The following PPP2R5C variants were observed in gnomAD, a reference collection of about 807,000 sequenced individuals.
PPP2R5C encodes serine/threonine-protein phosphatase 2A 56 kDa regulatory subunit gamma isoform.
Under a neutral mutation model 68.9 loss-of-function variants are expected in PPP2R5C, and 7 were observed. That is an observed-to-expected ratio of 0.10 (90% CI 0.06 to 0.19). The LOEUF is 0.19. PPP2R5C is among the 10% of genes least tolerant of loss of function. PPP2R5C has a pLI of 1.00. For synonymous variants in PPP2R5C, 210 were observed against 222.2 expected (o/e 0.95, Z 0.49); for missense variants, 348 against 641.3 (o/e 0.54, Z 4.94).
At chr14:101,793,557 C>T (rs1242488731) in intron 3 of PPP2R5C, among the ~76,000 whole-genome samples, 1 of 152,212 alleles carries the variant, frequency 6.6e-6, no homozygotes, top group Non-Finnish European at 1.5e-5. Flanking sequence ...CCAGCAGGAG[C>T]AAACCCCATA....
chr14:101,767,970 T>G (rs972278024), intron 2 of PPP2R5C, among the ~76,000 whole-genome samples: 4 of 152,174 alleles, frequency 2.6e-5, no homozygotes, highest in Non-Finnish European at 5.9e-5. Flanking sequence ...AGGTACCTCC[T>G]TTGTGACCTC....
chr14:101,927,368 A>C (rs531924786), exon 14 of PPP2R5C: 3 of 152,640 alleles, frequency 2.0e-5, no homozygotes, highest in Non-Finnish European at 4.4e-5. Context: ...GTATTACTTA[A>C]TATTTTGGCC....
Position 101,763,110 on chromosome 14 carries a change from CTCAATTTTAGTTG to C in PPP2R5C, c.93+142_93+154del, listed in dbSNP as rs1255032099. The C allele has an allele frequency of 2.4e-5, 16 of 663,672 alleles. No individual in the cohort carries two copies. In the African/African-American group the frequency reaches 2.6e-4, roughly 11 times the overall value. The allele number at this position is 663,672 out of a possible 1,614,324, so 41.1% of individuals were successfully genotyped here. On this transcript the variant is annotated intron_variant, in intron 2 of 14. Transcript: ENST00000328724. ...TTTTTTTGTGGTGTCTTTTATAACC[CTCAATTTTAGTTG>C]TTTAGGTATTTACTGTTTTGCTTTG...
intron 13 of PPP2R5C, 141 bp from the exon 16 acceptor site, chr14:101,925,000 G>T (rs1595572578): frequency 1.1e-6 from 1 of 932,208 alleles, no homozygotes; most frequent in Non-Finnish European, 1.7e-6. Flanking sequence ...GACCTACGCC[G>T]TTTCCCTGTG....
chr14:101,834,258 T>C (rs916552507), intron 1 of PPP2R5C, among the ~76,000 whole-genome samples: 10 of 152,232 alleles, frequency 6.6e-5, no homozygotes, highest in African/African-American at 2.4e-4. Context: ...GCAGAACTGG[T>C]GGGACCTTGA....
At chr14:101,850,082 C>G (rs760191731) in intron 1 of PPP2R5C, among the ~76,000 whole-genome samples, 2 of 152,154 alleles carry the variant, frequency 1.3e-5, no homozygotes, top group African/African-American at 2.4e-5. Context: ...ACTCGGGTAA[C>G]TGTTATCCAC....
At chr14:101,896,636 CAAAAAAAA>C (rs34603513) in intron 8 of PPP2R5C, among the ~76,000 whole-genome samples, 28 of 110,396 alleles carry the variant, frequency 2.5e-4, no homozygotes, top group African/African-American at 9.9e-4. Context: ...ACCCTGTCTC[CAAAAAAAA>C]AAAAAAAAAA....
chr14:101,837,964 T>C (rs74611938), intron 1 of PPP2R5C, among the ~76,000 whole-genome samples: 2,932 of 152,250 alleles, frequency 0.019, 73 homozygotes, highest in African/African-American at 0.067. Context: ...TTGGCCGTGT[T>C]CTCATGTGCA....
Position 101,809,966 on chromosome 14 carries a change from C to G in PPP2R5C, c.24C>G (p.Gly8=), listed in dbSNP as rs200109462. 628 of 1,613,928 alleles carry G rather than the reference C, an allele frequency of 3.9e-4. 6 individuals carry two copies. The highest frequency in any genetic ancestry group is 4.7e-5 in the Non-Finnish European group (56 of 1,179,928). Residue 8 remains glycine, a synonymous_variant, in exon 1 of 14, where the codon GGC becomes GGG. Transcript: ENST00000334743. ...AGATGTTGACATGTAATAAAGCGGG[C>G]AGCAGGATGGTGGTGGATGCGGCCA...
chr14:101,773,053 T>C (rs778862420), intron 2 of PPP2R5C, among the ~76,000 whole-genome samples: 18 of 152,176 alleles, frequency 1.2e-4, no homozygotes, highest in Non-Finnish European at 2.5e-4. Flanking sequence ...TTCTCTGACA[T>C]TGCGGCTTCC....
At chr14:101,902,618 G>A (rs1010216174) in intron 9 of PPP2R5C, among the ~76,000 whole-genome samples, 1 of 152,232 alleles carries the variant, frequency 6.6e-6, no homozygotes, top group East Asian at 1.9e-4. Flanking sequence ...CAGTGGAAGA[G>A]AGTGACCATG....
intron 12 of PPP2R5C, 169 bp downstream of exon 14, chr14:101,912,642 G>T: frequency 7.8e-7 from 1 of 1,289,678 alleles, no homozygotes; most frequent in South Asian, 2.4e-5. Context: ...TTTTGTACAA[G>T]TACTTATTTT....
intron 1 of PPP2R5C, chr14:101,843,270 A>G (rs2041614302): frequency 6.3e-6 from 1 of 158,194 alleles, no homozygotes; most frequent in Non-Finnish European, 1.4e-5. Flanking sequence ...TGGCAATGGA[A>G]CCTGGACAGC....
At chr14:101,808,184 C>G (rs2039152165), upstream of PPP2R5C, among the ~76,000 whole-genome samples, 1 of 151,566 alleles carries the variant, frequency 6.6e-6, no homozygotes, top group African/African-American at 2.4e-5. Context: ...GCCATCCCCT[C>G]CAGACAGACA....
intron 1 of PPP2R5C, among the ~76,000 whole-genome samples, chr14:101,855,756 A>G (rs2042385569): frequency 6.6e-6 from 1 of 152,202 alleles, no homozygotes; most frequent in African/African-American, 2.4e-5. Context: ...GGCAGACAGA[A>G]GTTTTCCAGA....
chr14:101,846,694 C>T (rs2041849059), intron 1 of PPP2R5C, among the ~76,000 whole-genome samples: 1 of 152,096 alleles, frequency 6.6e-6, no homozygotes, highest in Non-Finnish European at 1.5e-5. Flanking sequence ...CAGGCCTGTA[C>T]CGGGGAAGGC....
At chr14:101,846,589 T>C (rs973629489) in intron 1 of PPP2R5C, among the ~76,000 whole-genome samples, 5 of 152,242 alleles carry the variant, frequency 3.3e-5, no homozygotes, top group Non-Finnish European at 7.3e-5. Flanking sequence ...TGTAGATATA[T>C]AGAAGTATTT....
intron 11 of PPP2R5C, among the ~76,000 whole-genome samples, chr14:101,910,071 A>G (rs1214955917): frequency 2.0e-5 from 3 of 152,232 alleles, no homozygotes; most frequent in Non-Finnish European, 4.4e-5. Flanking sequence ...AGAGAGCAAG[A>G]ATCTTCATTT....
chr14:101,768,399 A>G (rs980553541), intron 2 of PPP2R5C, among the ~76,000 whole-genome samples: 1 of 152,366 alleles, frequency 6.6e-6, no homozygotes, highest in Admixed American at 6.5e-5. Context: ...AGTGAGTTAT[A>G]TCTATCTACC....
Sources: gnomAD v4.1 joint callset for allele counts (sites outside exome capture counted in the v4.1 genomes callset) on GRCh38, gnomAD v4.1.1 for gene constraint, MANE v1.5 for transcripts, NCBI Gene and HGNC (gene_info 2026-07-23, HGNC 2026-07-21) for gene names.